Variants in SPRY3 observed in about 807,000 individuals in gnomAD.
SPRY3 encodes the protein sprouty RTK signaling antagonist 3.
A neutral mutation model predicts 20.2 loss-of-function variants in SPRY3; 15 were observed. The observed-to-expected ratio is 0.74, with a 90% confidence interval of 0.50 to 1.14. SPRY3 has a LOEUF of 1.14. Ranked by LOEUF, SPRY3 falls within the 50% of genes most tolerant of loss-of-function variation. SPRY3 has a pLI of 0.00. For missense variants in SPRY3, 364 were observed against 363.9 expected (o/e 1.00, Z 0.00); for synonymous variants, 143 against 136.5 (o/e 1.05, Z -0.33).
At chrX:155,729,454 T>G (rs1569388920) in intron 2 of SPRY3, among the ~76,000 whole-genome samples, 1 of 152,088 alleles carries the variant, frequency 6.6e-6, no homozygotes, top group Non-Finnish European at 1.5e-5. Context: ...AATATGCTCC[T>G]GAATGAACAG....
downstream of SPRY3, chrX:155,780,059 A>C (rs1050974602): frequency 6.0e-6 from 1 of 167,018 alleles, no homozygotes; most frequent in Non-Finnish European, 1.5e-5. Flanking sequence ...TGGGAATGAC[A>C]CTGACTAATG....
Position 155,725,223 on chromosome X carries a change from G to T in SPRY3, c.-281-42739G>T, listed in dbSNP as rs746347593. ...ATGTGCTGCTAGATTCAGTTTGCCA[G>T]TATTTTATTGAGGATTTTTGCATCG... On this transcript the variant is annotated intron_variant, in intron 2 of 3. Coordinates refer to ENST00000675360, the Ensembl canonical transcript of SPRY3. 3.3e-5 allele frequency among the ~76,000 whole-genome samples: 5 copies of T among 152,290 alleles called. No homozygotes were observed. The East Asian group carries it at 9.6e-4, about 29-fold the overall frequency.
intron 2 of SPRY3, among the ~76,000 whole-genome samples, chrX:155,677,047 G>A (rs1244261076): frequency 1.8e-5 from 2 of 111,560 alleles, no homozygotes; most frequent in Non-Finnish European, 3.8e-5. Flanking sequence ...ATCGGCTATT[G>A]AAGATATTAA....
intron 2 of SPRY3, among the ~76,000 whole-genome samples, chrX:155,762,065 G>C (rs1419993787): frequency 6.6e-6 from 1 of 151,994 alleles, no homozygotes; most frequent in African/African-American, 2.4e-5. Flanking sequence ...ACTTGAAAAT[G>C]TCTCATCTTT....
In SPRY3 at chrX:155,762,367, G is replaced by A. The variant is rs561179813; in HGVS notation, c.-281-5595G>A. On this transcript the variant is annotated intron_variant, in intron 2 of 3. Transcript: ENST00000675360. The stretch of plus-strand genomic sequence containing the variant: ...TACAAATTAAAAAGTGATAAATACC[G>A]TAAGAGAAGTATAACTACATTGTCA... 4.6e-5 allele frequency among the ~76,000 whole-genome samples: 7 copies of A among 152,252 alleles called. No homozygotes were observed. The South Asian group carries it at 6.2e-4, about 14-fold the overall frequency.
chrX:155,678,205 A>G (rs1373381404), intron 2 of SPRY3, among the ~76,000 whole-genome samples: 1 of 111,569 alleles, frequency 9.0e-6, no homozygotes, highest in African/African-American at 3.3e-5. Context: ...TTGTTGTCAA[A>G]AGGGATTTCT....
At chrX:155,721,847 C>A (rs1051893036) in intron 2 of SPRY3, among the ~76,000 whole-genome samples, 1 of 152,010 alleles carries the variant, frequency 6.6e-6, no homozygotes, top group African/African-American at 2.4e-5. Flanking sequence ...TGTTAACGAG[C>A]AATAAGTAAT....
chrX:155,757,305 A>G (rs928510746), intron 2 of SPRY3, among the ~76,000 whole-genome samples: 8 of 152,122 alleles, frequency 5.3e-5, no homozygotes, highest in African/African-American at 1.4e-4. Flanking sequence ...ATTTGCATTT[A>G]CTGTTTCCTC....
intron 2 of SPRY3, among the ~76,000 whole-genome samples, chrX:155,732,800 T>C (rs1258783669): frequency 6.6e-6 from 1 of 152,080 alleles, no homozygotes; most frequent in Non-Finnish European, 1.5e-5. Context: ...TATACACTCT[T>C]GAGCACTATT....
At chrX:155,774,368 C>G in exon 4 of SPRY3, 1 of 1,614,044 alleles carries the variant, frequency 6.2e-7, no homozygotes, top group Non-Finnish European at 8.5e-7. Flanking sequence ...CCTCTCCCCT[C>G]CTGCTGGCTG....
At chrX:155,716,981 A>AAAATATATAT (rs1206891749) in intron 2 of SPRY3, among the ~76,000 whole-genome samples, 1 of 63,500 alleles carries the variant, frequency 1.6e-5, no homozygotes, top group African/African-American at 7.3e-5. Flanking sequence ...TAAAATACAA[A>AAAATATATAT]ATATATATAT....
chrX:155,748,318 T>C (rs1206099917), intron 2 of SPRY3, among the ~76,000 whole-genome samples: 1 of 151,904 alleles, frequency 6.6e-6, no homozygotes, highest in East Asian at 1.9e-4. Flanking sequence ...TCTTGGCTAA[T>C]CATATGAATA....
intron 1 of SPRY3, among the ~76,000 whole-genome samples, chrX:155,655,227 T>C (rs2067988622): frequency 9.0e-6 from 1 of 111,569 alleles, no homozygotes; most frequent in Non-Finnish European, 1.9e-5. Context: ...TTTTTTCTTG[T>C]TGAGTTGTTT....
intron 2 of SPRY3, among the ~76,000 whole-genome samples, chrX:155,762,171 G>A (rs1231070184): frequency 6.6e-6 from 1 of 152,082 alleles, no homozygotes; most frequent in Non-Finnish European, 1.5e-5. Flanking sequence ...AGTGTCAGGA[G>A]ACTTGGATTC....
chrX:155,733,381 C>A (rs975115321), intron 2 of SPRY3, among the ~76,000 whole-genome samples: 13 of 148,814 alleles, frequency 8.7e-5, no homozygotes, highest in African/African-American at 3.0e-4. Context: ...TATATACATG[C>A]TGATATATAT....
At chrX:155,633,478 A>AT (rs1557350701) in intron 1 of SPRY3, among the ~76,000 whole-genome samples, 22 of 109,993 alleles carry the variant, frequency 2.0e-4, no homozygotes, top group African/African-American at 7.0e-4. Flanking sequence ...GCACTGCCAT[A>AT]AATATATACT....
At chrX:155,708,419 T>C (rs973252766) in intron 2 of SPRY3, among the ~76,000 whole-genome samples, 41 of 151,428 alleles carry the variant, frequency 2.7e-4, no homozygotes, top group Non-Finnish European at 4.6e-4. Context: ...ATGAGTTATC[T>C]CCTGCTGCTT....
At chrX:155,704,072 A>C (rs1294649913) in intron 2 of SPRY3, among the ~76,000 whole-genome samples, 1 of 151,836 alleles carries the variant, frequency 6.6e-6, no homozygotes, top group African/African-American at 2.4e-5. Flanking sequence ...CTTGGTCTCT[A>C]TTTCCTACCC....
intron 2 of SPRY3, among the ~76,000 whole-genome samples, chrX:155,740,864 G>T (rs935971022): frequency 6.7e-6 from 1 of 149,258 alleles, no homozygotes; most frequent in Non-Finnish European, 1.5e-5. Flanking sequence ...ATAAAAACCT[G>T]CTGGTTTTGT....
Sources: allele counts gnomAD v4.1 joint callset (sites outside exome capture counted in the v4.1 genomes callset), GRCh38; gene constraint gnomAD v4.1.1; transcripts MANE v1.5; gene names NCBI Gene and HGNC (gene_info 2026-07-23, HGNC 2026-07-21).